The following PRKD3 variants were observed in gnomAD, a reference collection of about 807,000 sequenced individuals.
The protein encoded by PRKD3 is protein kinase D3.
PRKD3 carries 47 observed loss-of-function variants against 99.2 expected under a neutral mutation model. The observed-to-expected ratio is 0.47, with a 90% CI of 0.38 to 0.60. PRKD3 has a LOEUF of 0.60. Among genes scored for constraint, PRKD3 ranks in the 20% least tolerant of loss-of-function variants. The probability of loss-of-function intolerance (pLI) is 0.00; values close to 1 mark genes in which losing one functional copy is unlikely to be tolerated. For missense variants in PRKD3, 1,019 were observed against 1,088.4 expected, an observed-to-expected ratio of 0.94 and a Z score of 0.90; for synonymous variants, 392 against 355.4, an observed-to-expected ratio of 1.10 and a Z score of -1.16.
At chr2:37,267,558 G>A (rs776182110) in intron 13 of PRKD3, 22 bp from the exon 14 acceptor site, 3 of 1,531,944 alleles carry the variant, frequency 2.0e-6, no homozygotes, top group Non-Finnish European at 2.7e-6. Context: ...AAAAGAAGAG[G>A]AACGAATGAA....
chr2:37,288,118 G>A (rs183374723), intron 5 of PRKD3, among the ~76,000 whole-genome samples: 9 of 152,190 alleles, frequency 5.9e-5, no homozygotes. Flanking sequence ...CTGTCCTTCT[G>A]CTATTTCCTA....
chr2:37,295,561 T>C (rs1048296490), intron 2 of PRKD3, among the ~76,000 whole-genome samples: 2 of 152,190 alleles, frequency 1.3e-5, no homozygotes, highest in African/African-American at 4.8e-5. Flanking sequence ...AAACCTGTTA[T>C]TATGTTCAAA....
chr2:37,303,821 C>A (rs1388411439), intron 2 of PRKD3, among the ~76,000 whole-genome samples: 2 of 152,130 alleles, frequency 1.3e-5, no homozygotes, highest in African/African-American at 4.8e-5. Context: ...CATACATTTA[C>A]TTTTAAAATG....
At chr2:37,288,644 A>G (rs768816313) in intron 5 of PRKD3, among the ~76,000 whole-genome samples, 43 of 150,672 alleles carry the variant, frequency 2.9e-4, no homozygotes, top group South Asian at 8.3e-4. Flanking sequence ...CTGTATTAGG[A>G]AAAAAAATCA....
intron 10 of PRKD3, 95 bp downstream of exon 10, chr2:37,275,672 G>A: frequency 7.5e-7 from 1 of 1,340,956 alleles, no homozygotes; most frequent in Non-Finnish European, 9.9e-7. Context: ...ACTAGCTAGA[G>A]TCATATATAT....
At chr2:37,255,918 G>A (rs1034372537) in intron 17 of PRKD3, among the ~76,000 whole-genome samples, 6 of 152,158 alleles carry the variant, frequency 3.9e-5, no homozygotes, top group African/African-American at 1.4e-4. Context: ...GGAGGCTGAG[G>A]TGGGAGGATC....
At chr2:37,289,081 A>T (rs973763771) in intron 5 of PRKD3, among the ~76,000 whole-genome samples, 8 of 35,894 alleles carry the variant, frequency 2.2e-4, no homozygotes, top group Admixed American at 4.3e-4. Flanking sequence ...AAAAAAAATT[A>T]AAAAAAAAAA....
rs1671326000 is a variant in PRKD3 at position 37,309,584 on chromosome 2, T to C, written c.288+6653A>G. ...ATATTTGGCCAAGCACGGTGGCCAA[T>C]CACACCTGTAATCCCAGCACTTTGG... On this transcript the variant is annotated intron_variant, in intron 2 of 18. Coordinates refer to ENST00000234179, the MANE Select transcript of PRKD3 (RefSeq NM_005813.6). 2.0e-5 allele frequency among the ~76,000 whole-genome samples: 3 copies of C among 152,140 alleles called. No homozygotes were observed. The South Asian group carries it at 6.2e-4, about 31-fold the overall frequency.
At chr2:37,272,359 T>C in intron 12 of PRKD3, 21 bp downstream of exon 12, 3 of 1,599,572 alleles carry the variant, frequency 1.9e-6, no homozygotes, top group African/African-American at 1.4e-5. Context: ...AGTTTACACA[T>C]TAGCTATAAC....
At chr2:37,258,149 A>T (rs547320797) in intron 16 of PRKD3, among the ~76,000 whole-genome samples, 1 of 152,346 alleles carries the variant, frequency 6.6e-6, no homozygotes, top group Non-Finnish European at 1.5e-5. Flanking sequence ...ATATAAATTG[A>T]GAGGAAAAAG....
At chr2:37,309,991 C>T (rs988660724) in intron 2 of PRKD3, among the ~76,000 whole-genome samples, 1 of 152,058 alleles carries the variant, frequency 6.6e-6, no homozygotes, top group African/African-American at 2.4e-5. Context: ...TACCATTAAC[C>T]TCTAATTTTC....
At position 37,279,945 on chromosome 2, in the gene PRKD3, A is replaced by T; in HGVS notation, c.989-16T>A. ...CTGGAAGGTTCTGGGAAAATTTTAA[A>T]TGAATTTCAGAGTTTTATATTAATA... On this transcript the variant is annotated splice_polypyrimidine_tract_variant and intron_variant, in intron 7 of 18. Transcript: ENST00000234179. 6.4e-7 allele frequency: 1 copy of T among 1,558,590 alleles called. No individual in the cohort carries two copies. Among genetic ancestry groups the T allele is most frequent in the Non-Finnish European group, 8.7e-7 (1 of 1,147,640 alleles).
chr2:37,269,365 T>A, intron 13 of PRKD3: 1 of 474,284 alleles, frequency 2.1e-6, no homozygotes, highest in African/African-American at 2.0e-5. Flanking sequence ...CATCTGTATG[T>A]GTGAGCTACA....
intron 16 of PRKD3, 131 bp from the exon 17 acceptor site, chr2:37,257,060 G>C: frequency 9.7e-7 from 1 of 1,025,734 alleles, no homozygotes; most frequent in Non-Finnish European, 1.4e-6. Flanking sequence ...ATTAATCACA[G>C]ATAAGGAAAT....
Position 37,290,003 on chromosome 2 carries a change from G to A in PRKD3, c.560-490C>T, listed in dbSNP as rs1024762569. On this transcript the variant is annotated intron_variant, in intron 4 of 18. Transcript: ENST00000234179. The stretch of plus-strand genomic sequence containing the variant: ...TATTGGAACACAACCATATCTATTC[G>A]TTTACATATTGTCTATGATTGGTTT... Among the ~76,000 whole-genome samples the A allele has an allele frequency of 1.4e-4, 21 of 152,076 alleles. 1 individual carries two copies. The highest frequency in any genetic ancestry group is 7.9e-4 in the Admixed American group (12 of 15,268).
chr2:37,310,305 C>T (rs1031430359), intron 2 of PRKD3, among the ~76,000 whole-genome samples: 1 of 152,148 alleles, frequency 6.6e-6, no homozygotes. Flanking sequence ...TATTGATTAG[C>T]TAGCATATAC....
intron 2 of PRKD3, among the ~76,000 whole-genome samples, chr2:37,311,015 T>C (rs948809284): frequency 9.9e-5 from 15 of 152,126 alleles, no homozygotes; most frequent in African/African-American, 2.4e-5. Flanking sequence ...AGAGCACCAC[T>C]AGGAAGCAGA....
chr2:37,314,190 CATTT>C (rs1289648136), intron 2 of PRKD3, among the ~76,000 whole-genome samples: 1 of 152,142 alleles, frequency 6.6e-6, no homozygotes, highest in Non-Finnish European at 1.5e-5. Context: ...ACCCAACTGA[CATTT>C]ATAGAAAACT....
intron 2 of PRKD3, among the ~76,000 whole-genome samples, chr2:37,301,052 A>C (rs918385399): frequency 6.6e-6 from 1 of 152,178 alleles, no homozygotes; most frequent in African/African-American, 2.4e-5. Flanking sequence ...AACATTTTTC[A>C]CATGCTTAAG....
Sources: gnomAD v4.1 joint callset for allele counts (sites outside exome capture counted in the v4.1 genomes callset) on GRCh38, gnomAD v4.1.1 for gene constraint, MANE v1.5 for transcripts, NCBI Gene and HGNC (gene_info 2026-07-23, HGNC 2026-07-21) for gene names.